Variants in PASK observed in about 807,000 individuals in gnomAD.
The protein encoded by PASK is PAS domain-containing serine/threonine-protein kinase.
In PASK, 110 loss-of-function variants were observed where a neutral mutation model predicts 121.0. That is an observed-to-expected ratio of 0.91 (90% CI 0.78 to 1.06). The LOEUF (loss-of-function observed/expected upper bound fraction) is 1.06. Ranked by LOEUF, PASK falls within the 50% of genes least tolerant of loss-of-function variation. The pLI is 0.00. For missense variants in PASK, 1,643 were observed against 1,702.3 expected, an observed-to-expected ratio of 0.97 and a Z score of 0.61; for synonymous variants, 686 against 717.8, an observed-to-expected ratio of 0.96 and a Z score of 0.71.
intron 10 of PASK, among the ~76,000 whole-genome samples, chr2:241,125,417 A>G (rs920481245): frequency 2.6e-5 from 4 of 151,182 alleles, no homozygotes; most frequent in Non-Finnish European, 5.9e-5. Context: ...TGGCTAACAC[A>G]GTGAAATCCC....
In PASK at chr2:241,138,053, T is replaced by G; in HGVS notation, c.776A>C (p.His259Pro). The change falls in exon 6 of 18, where the codon CAT (histidine) becomes CCT (proline). Residue 259 changes from histidine to proline, a missense_variant. Around this residue, in one of 3 missense-constraint regions of PASK, gnomAD observed 1,176 missense variants for 1,162.2 expected, o/e 1.01. Coordinates refer to ENST00000234040, the MANE Select transcript of PASK (RefSeq NM_015148.4). ...TVTSCDSLFA[H>P]LHGYVSGEDV... The stretch of plus-strand genomic sequence containing the variant: ...CTCCCCAGACACGTACCCGTGAAGA[T>G]GAGCAAAGAGACTGTCACATGACGT... The G allele has an allele frequency of 3.1e-6, 5 of 1,614,224 alleles. No homozygotes were observed. Among genetic ancestry groups the G allele is most frequent in the Non-Finnish European group, 3.4e-6 (4 of 1,180,028 alleles).
intron 9 of PASK, among the ~76,000 whole-genome samples, chr2:241,129,529 C>G (rs1451093468): frequency 6.6e-6 from 1 of 152,232 alleles, no homozygotes; most frequent in Non-Finnish European, 1.5e-5. Context: ...AACAGCTTCT[C>G]ACGTGCTTAG....
intron 9 of PASK, among the ~76,000 whole-genome samples, chr2:241,129,990 C>A (rs1349942793): frequency 6.6e-6 from 1 of 152,244 alleles, no homozygotes; most frequent in Non-Finnish European, 1.5e-5. Context: ...AAAAATCAGA[C>A]TACACTCCCA....
chr2:241,126,494 A>G lies in PASK; in HGVS notation c.2421T>C (p.Leu807=). The change falls in exon 10 of 18, where the codon CTT becomes CTC. Residue 807 remains leucine (L), a synonymous_variant. Transcript: ENST00000234040. ...LLLLTGTCVD[L]GQGRRFRESC... is the part of the protein sequence containing the mutation. ...TCTCCCGGAACCGTCGGCCTTGGCC[A>G]AGGTCAACACAGGTGCCGGTCAGTA... 1 of 1,614,244 alleles carries G rather than the reference A, an allele frequency of 6.2e-7. No homozygotes were observed. Among genetic ancestry groups the G allele is most frequent in the Non-Finnish European group, 8.5e-7 (1 of 1,180,028 alleles).
chr2:241,112,523 AC>A lies in PASK; in HGVS notation c.3334-85del. The A allele has an allele frequency of 1.2e-6, 1 of 864,554 alleles. No homozygotes were observed. Among genetic ancestry groups the A allele is most frequent in the Non-Finnish European group, 1.8e-6 (1 of 553,420 alleles). 53.6% of individuals were successfully genotyped at this position (864,554 alleles called of 1,614,324 possible). ...TTAAAATAAACTGGAACAAAAAAAA[AC>A]ACAAAGAAAAAATAAACCTCCGACT... On this transcript the variant is annotated intron_variant, in intron 14 of 17. Coordinates refer to ENST00000234040, the MANE Select transcript of PASK (RefSeq NM_015148.4). This position sits in a 1 kb window ranked among gnomAD's most constrained non-coding sequence, Gnocchi z 5.2.
intron 9 of PASK, 94 bp from the exon 10 acceptor site, chr2:241,127,545 C>T (rs937036566): frequency 4.9e-6 from 5 of 1,016,192 alleles, no homozygotes; most frequent in Non-Finnish European, 7.7e-6. Context: ...AAGTACAAAG[C>T]ATTTAATGCC....
chr2:241,122,166 C>G (rs1210281466), intron 12 of PASK, among the ~76,000 whole-genome samples: 1 of 151,144 alleles, frequency 6.6e-6, no homozygotes, highest in African/African-American at 2.4e-5. Context: ...AAAAGCATAG[C>G]TCAAATAAAT....
chr2:241,116,136 C>T (rs1007700533), intron 12 of PASK, among the ~76,000 whole-genome samples: 1 of 133,970 alleles, frequency 7.5e-6, no homozygotes, highest in Non-Finnish European at 1.5e-5. Flanking sequence ...ACACCAGGGC[C>T]ACCCAGTCCT....
Position 241,106,733 on chromosome 2 carries a change from C to A in PASK, c.3815-10G>T. 2 of 1,613,792 alleles carry A rather than the reference C, an allele frequency of 1.2e-6. No individual in the cohort carries two copies. Among genetic ancestry groups the A allele is most frequent in the Non-Finnish European group, 1.7e-6 (2 of 1,179,674 alleles). On this transcript the variant is annotated splice_polypyrimidine_tract_variant and intron_variant, in intron 17 of 17. Transcript: ENST00000234040. ...GACAGAACTCCACTTTCTGAAGAAA[C>A]AAGAAGGTAACTGTATCACGTGCTA...
chr2:241,138,237 G>A, intron 5 of PASK, 150 bp from the exon 6 acceptor site: 1 of 800,680 alleles, frequency 1.2e-6, no homozygotes, highest in Non-Finnish European at 2.1e-6. Context: ...AATTTGATAA[G>A]AGCTTCATCA....
chr2:241,122,324 A>C (rs2065648638), intron 12 of PASK, among the ~76,000 whole-genome samples: 1 of 152,228 alleles, frequency 6.6e-6, no homozygotes, highest in Non-Finnish European at 1.5e-5. Context: ...TGAAACCCAA[A>C]GCAGGTTATT....
intron 11 of PASK, among the ~76,000 whole-genome samples, chr2:241,123,519 T>A (rs2065719293): frequency 6.6e-6 from 1 of 151,748 alleles, no homozygotes; most frequent in African/African-American, 2.4e-5. Context: ...AAAGACAGTG[T>A]GAAAAGTTAC....
At chr2:241,139,034 T>C (rs2066576402) in intron 4 of PASK, among the ~76,000 whole-genome samples, 2 of 152,244 alleles carry the variant, frequency 1.3e-5, no homozygotes, top group African/African-American at 4.8e-5. Context: ...ATGGTAATAT[T>C]GCAGGGTGAA....
At chr2:241,120,383 C>T (rs960177489) in intron 12 of PASK, among the ~76,000 whole-genome samples, 2 of 152,070 alleles carry the variant, frequency 1.3e-5, no homozygotes, top group Admixed American at 6.5e-5. Flanking sequence ...ATCCCAGCTA[C>T]TCAGGAGGCT....
chr2:241,121,629 C>T (rs1163871159), intron 12 of PASK, among the ~76,000 whole-genome samples: 1 of 152,046 alleles, frequency 6.6e-6, no homozygotes, highest in African/African-American at 2.4e-5. Context: ...CTACAGAAGA[C>T]CATTTTAAAT....
At chr2:241,116,978 G>A (rs2065400948) in intron 12 of PASK, among the ~76,000 whole-genome samples, 1 of 152,220 alleles carries the variant, frequency 6.6e-6, no homozygotes, top group Non-Finnish European at 1.5e-5. Flanking sequence ...GTCCCGGGAA[G>A]GCAGCTTCTG....
chr2:241,108,079 A>G lies in PASK; in HGVS notation c.3667+88T>C. 8.3e-7 allele frequency: 1 copy of G among 1,208,026 alleles called. No homozygotes were observed. 74.8% of individuals were successfully genotyped at this position (1,208,026 alleles called of 1,614,324 possible). Reference sequence around the variant, plus strand: ...AATGAGACTGTTGATATGGACAGAGATACACTGAGGAATGAGGAAATGGGA... The same window carrying G: ...AATGAGACTGTTGATATGGACAGAGGTACACTGAGGAATGAGGAAATGGGA... On this transcript the variant is annotated intron_variant, in intron 16 of 17. Coordinates refer to ENST00000234040, the MANE Select transcript of PASK (RefSeq NM_015148.4). The surrounding 1 kb of genome is among the most constrained non-coding windows in gnomAD (Gnocchi z 5.2).
Position 241,124,032 on chromosome 2 carries a change from C to T in PASK, c.2821G>A (p.Ala941Thr), listed in dbSNP as rs369141980. ...CTGGCAAGGAACAGGCGGGTCCTGGCGGCTGAGTCGCGTTGGCTGTGGAGG... is the reference window on the plus strand; with the variant it reads ...CTGGCAAGGAACAGGCGGGTCCTGGTGGCTGAGTCGCGTTGGCTGTGGAGG... Reference protein sequence around the residue: ...DLLHSQRDSAARTRLFLASLP... With the variant: ...DLLHSQRDSATRTRLFLASLP... Residue 941 changes from alanine (A) to threonine (T), a missense_variant, in exon 11 of 18, where the codon GCC becomes ACC. Physicochemically the swap from Ala to Thr is moderately conservative, Grantham distance 58. Around this residue, in one of 3 missense-constraint regions of PASK, gnomAD observed 453 missense variants for 511.2 expected, o/e 0.89. Transcript: ENST00000234040. The T allele has an allele frequency of 3.8e-5, 62 of 1,613,312 alleles. No homozygotes were observed. The highest frequency in any genetic ancestry group is 4.9e-5 in the Non-Finnish European group (58 of 1,179,944).
chr2:241,139,705 A>C, intron 4 of PASK, 180 bp downstream of exon 4: 1 of 715,804 alleles, frequency 1.4e-6, no homozygotes, highest in South Asian at 1.5e-5. Flanking sequence ...AAGGGCCCCC[A>C]CCCCCACTGC....
Sources: gnomAD v4.1 joint callset for allele counts (sites outside exome capture counted in the v4.1 genomes callset) on GRCh38, gnomAD v4.1.1 for gene constraint, gnomAD v4.1.1 regional missense constraint, Gnocchi (gnomAD v3.1) non-coding constraint, MANE v1.5 for transcripts, NCBI Gene and HGNC (gene_info 2026-07-23, HGNC 2026-07-21) for gene names.